The following PDZD2 variants were observed in gnomAD, a reference collection of about 807,000 sequenced individuals.
PDZD2 encodes PDZ domain-containing protein 2.
PDZD2 carries 90 observed loss-of-function variants against 220.7 expected under a neutral mutation model. The ratio of observed to expected loss-of-function variants is 0.41; its 90% CI spans 0.34 to 0.49. The LOEUF (loss-of-function observed/expected upper bound fraction) is 0.49. Among genes scored for constraint, PDZD2 ranks in the 20% least tolerant of loss-of-function variants. The pLI is 0.28. For missense variants in PDZD2, 3,174 were observed against 3,608.5 expected, an observed-to-expected ratio of 0.88 and a Z score of 3.08; for synonymous variants, 1,375 against 1,450.5, an observed-to-expected ratio of 0.95 and a Z score of 1.18.
At chr5:31,901,170 CA>C (rs1561555092) in intron 2 of PDZD2, among the ~76,000 whole-genome samples, 47 of 152,232 alleles carry the variant, frequency 3.1e-4, no homozygotes, top group Middle Eastern at 3.4e-3. Flanking sequence ...GTAATCCCAG[CA>C]CTTTGGGAGG....
rs772721669 is a variant in PDZD2, at chr5:32,069,629, G to A, written c.2512G>A (p.Ala838Thr). The change falls in exon 15 of 25, where the codon GCC becomes ACC. Residue 838 changes from alanine (A) to threonine (T), a missense_variant. Coordinates refer to ENST00000438447, the MANE Select transcript of PDZD2 (RefSeq NM_178140.4). The stretch of plus-strand genomic sequence containing the variant: ...CAGCACTTATCAGGAGAGCAAAGAG[G>A]CCAATTCCTCTCCTGGCTTAGGTAC... ...ARSTYQESKE[A>T]NSSPGLGTPL... The A allele has an allele frequency of 6.4e-7, 1 of 1,562,302 alleles. No homozygotes were observed. Among genetic ancestry groups the A allele is most frequent in the Non-Finnish European group, 8.8e-7 (1 of 1,132,708 alleles).
At chr5:31,948,100 G>C (rs1229076005) in intron 2 of PDZD2, among the ~76,000 whole-genome samples, 1 of 152,200 alleles carries the variant, frequency 6.6e-6, no homozygotes, top group Non-Finnish European at 1.5e-5. Flanking sequence ...GGTTACTTGG[G>C]AGGAGTCAGG....
Position 31,644,829 on chromosome 5 carries a change from T to C in PDZD2, c.-361+5392T>C, listed in dbSNP as rs754980361. On this transcript the variant is annotated intron_variant, in intron 1 of 24. Transcript: ENST00000438447. ...AGCCATTGAATGAAACCAGATAGCA[T>C]TGAACACCTGGTTGACAAAGTTATT... 2.0e-5 allele frequency among the ~76,000 whole-genome samples: 3 copies of C among 152,244 alleles called. 1 individual carries two copies. Among genetic ancestry groups the C allele is most frequent in the South Asian group, 4.1e-4 (2 of 4,826 alleles).
At chr5:31,821,620 C>T (rs866971873) in intron 2 of PDZD2, among the ~76,000 whole-genome samples, 2 of 152,124 alleles carry the variant, frequency 1.3e-5, no homozygotes, top group South Asian at 2.1e-4. Context: ...ACCTCGTGAT[C>T]TACCCGCCTC....
At position 32,109,738 on chromosome 5, in the gene PDZD2, A is replaced by G. The variant is rs938814939; in HGVS notation, c.*1603A>G. On this transcript the variant is annotated 3_prime_UTR_variant, in exon 25 of 25. Transcript: ENST00000438447. ...GGAGATACTTCTTTAAATAACCTACAGCTTGGGTCTATGGCTGTGACCCCC... is the reference window on the plus strand; with the variant it reads ...GGAGATACTTCTTTAAATAACCTACGGCTTGGGTCTATGGCTGTGACCCCC... 1 of 152,362 alleles carries G rather than the reference A, an allele frequency of 6.6e-6. No individual in the cohort carries two copies. Among genetic ancestry groups the G allele is most frequent in the African/African-American group, 2.4e-5 (1 of 41,448 alleles). 9.4% of individuals were successfully genotyped at this position (152,362 alleles called of 1,614,324 possible). A position where few individuals can be genotyped will look rare whatever the true frequency, so the allele number is the denominator to read the frequency against.
chr5:32,039,875 GGGA>G (rs1755904127), intron 7 of PDZD2, among the ~76,000 whole-genome samples: 8 of 138,468 alleles, frequency 5.8e-5, no homozygotes, highest in East Asian at 4.7e-4. Flanking sequence ...TGCCCCATCT[GGGA>G]GGAAGTGAGG....
At chr5:31,880,800 T>TC (rs1739812715) in intron 2 of PDZD2, among the ~76,000 whole-genome samples, 1 of 124,070 alleles carries the variant, frequency 8.1e-6, no homozygotes, top group African/African-American at 3.4e-5. Flanking sequence ...TCTTTTTTTT[T>TC]TTTTTTTTTT....
intron 17 of PDZD2, 27 bp from the exon 18 acceptor site, chr5:32,073,805 T>A: frequency 6.6e-7 from 1 of 1,526,008 alleles, no homozygotes; most frequent in South Asian, 1.2e-5. Context: ...CAATTTCACT[T>A]GACTTTTCTG....
chr5:31,909,249 A>C (rs972868785), intron 2 of PDZD2: 2 of 153,100 alleles, frequency 1.3e-5, no homozygotes, highest in Non-Finnish European at 2.9e-5. Context: ...CTTGTCATCC[A>C]CACAACAACA....
chr5:32,063,783 G>A (rs928391911), intron 14 of PDZD2, among the ~76,000 whole-genome samples: 5 of 152,222 alleles, frequency 3.3e-5, no homozygotes, highest in African/African-American at 9.7e-5. Context: ...CTACACAAAT[G>A]TGGGAATAGA....
chr5:32,000,240 C>T lies in PDZD2; in HGVS notation c.1223C>T (p.Thr408Met), dbSNP rs200616086. 83 of 1,614,122 alleles carry T rather than the reference C, an allele frequency of 5.1e-5. No homozygotes were observed. In the East Asian group the frequency reaches 7.4e-4, roughly 14 times the overall value. Residue 408 changes from threonine to methionine, a missense_variant, in exon 5 of 25, where the codon ACG (threonine) becomes ATG (methionine). Transcript: ENST00000438447. This position sits in a 1 kb window ranked among gnomAD's most constrained non-coding sequence, Gnocchi z 4.5. ...GCAGTGGCCATTCTTCGCTCCGCCA[C>T]GGGAATGGTGCAGCTTGTGGTGGCC... ...EEAVAILRSA[T>M]GMVQLVVASK...
At chr5:31,831,326 C>T (rs6864700) in intron 2 of PDZD2, among the ~76,000 whole-genome samples, 45,909 of 151,198 alleles carry the variant, frequency 0.3, 7,057 homozygotes, top group Admixed American at 0.36. Context: ...ACTAAAAATA[C>T]AAAAATTGGC....
At chr5:31,908,879 T>C (rs1742930044) in intron 2 of PDZD2, 1 of 420,654 alleles carries the variant, frequency 2.4e-6, no homozygotes. Context: ...ACCCTGTCCC[T>C]ACCAAAAATA....
Position 32,073,866 on chromosome 5 carries a change from C to G in PDZD2, c.2760C>G (p.Ser920Arg), listed in dbSNP as rs985177067. 24 of 1,613,378 alleles carry G rather than the reference C, an allele frequency of 1.5e-5. No homozygotes were observed. The highest frequency in any genetic ancestry group is 1.9e-5 in the Non-Finnish European group (23 of 1,179,722). The change falls in exon 18 of 25, where the codon AGC becomes AGG. Residue 920 changes from serine (S) to arginine (R), a missense_variant. Transcript: ENST00000438447. ...HKEPGKPRAN[S>R]LVTLGSHRAS... ...AGCCTGGAAAACCCAGAGCCAACAGCCTCGTGACTCTTGGGAGCCATCGGG... is the reference window on the plus strand; with the variant it reads ...AGCCTGGAAAACCCAGAGCCAACAGGCTCGTGACTCTTGGGAGCCATCGGG...
At chr5:31,869,866 T>C (rs1580947321) in intron 2 of PDZD2, among the ~76,000 whole-genome samples, 1 of 152,100 alleles carries the variant, frequency 6.6e-6, no homozygotes, top group Non-Finnish European at 1.5e-5. Flanking sequence ...GAGGGGTGGG[T>C]CTGACCCCCT....
In PDZD2 at chr5:31,971,180, T is replaced by C. The variant is rs1349741356; in HGVS notation, c.477-11975T>C. 2.0e-5 allele frequency among the ~76,000 whole-genome samples: 3 copies of C among 152,308 alleles called. No homozygotes were observed. The East Asian group carries it at 5.8e-4, about 29-fold the overall frequency. ...GGTGATTCATGAAAACAGAAACTTA[T>C]TTCTCACAGTTCTGGAGGCTGGGAA... On this transcript the variant is annotated intron_variant, in intron 2 of 24. Transcript: ENST00000438447.
chr5:31,897,285 C>T (rs561529633), intron 2 of PDZD2, among the ~76,000 whole-genome samples: 13 of 152,164 alleles, frequency 8.5e-5, no homozygotes, highest in South Asian at 2.1e-4. Flanking sequence ...AAGTAAACCT[C>T]GAGTATCTCT....
intron 2 of PDZD2, among the ~76,000 whole-genome samples, chr5:31,873,363 G>A (rs1275773437): frequency 7.2e-5 from 11 of 151,788 alleles, no homozygotes; most frequent in African/African-American, 1.9e-4. Flanking sequence ...GAGCCCAGGA[G>A]GTGAAGGCTG....
At chr5:32,048,066 G>A (rs1011176919) in intron 7 of PDZD2, among the ~76,000 whole-genome samples, 4 of 152,080 alleles carry the variant, frequency 2.6e-5, no homozygotes. Context: ...ATTGAACTGT[G>A]TATTTATGAG....
Sources: allele counts gnomAD v4.1 joint callset (sites outside exome capture counted in the v4.1 genomes callset), GRCh38; gene constraint gnomAD v4.1.1; non-coding constraint Gnocchi (gnomAD v3.1); transcripts MANE v1.5; gene names NCBI Gene and HGNC (gene_info 2026-07-23, HGNC 2026-07-21).